Variants in DCC observed in about 807,000 individuals in gnomAD.
DCC encodes netrin receptor DCC.
In DCC, 58 loss-of-function variants were observed where a neutral mutation model predicts 172.5. The observed-to-expected ratio is 0.34, with a 90% CI of 0.27 to 0.42. The LOEUF (loss-of-function observed/expected upper bound fraction) is 0.42, where lower values mean the gene tolerates loss of function less well. DCC is among the 10% of genes least tolerant of loss of function. The pLI, the probability that DCC is intolerant of heterozygous loss-of-function variation, is 1.00. For missense variants in DCC, 1,740 were observed against 1,791.0 expected (o/e 0.97, Z 0.51); for synonymous variants, 709 against 644.5 (o/e 1.10, Z -1.52).
At chr18:52,930,659 T>G (rs1263317198) in intron 5 of DCC, among the ~76,000 whole-genome samples, 1 of 152,182 alleles carries the variant, frequency 6.6e-6, no homozygotes, top group African/African-American at 2.4e-5. Flanking sequence ...TTTCATTTTA[T>G]AGTTTTCTTG....
At chr18:53,029,104 T>C (rs1269519515) in intron 5 of DCC, among the ~76,000 whole-genome samples, 3 of 150,868 alleles carry the variant, frequency 2.0e-5, no homozygotes, top group Non-Finnish European at 2.9e-5. Flanking sequence ...AAACTAAAAA[T>C]TACCCAAATG....
intron 15 of DCC, among the ~76,000 whole-genome samples, chr18:53,352,087 A>T (rs2057819133): frequency 6.6e-6 from 1 of 152,026 alleles, no homozygotes; most frequent in South Asian, 2.1e-4. Context: ...CAGATAGAGC[A>T]CTCTATTGCA....
chr18:52,782,248 A>G (rs2037558698), intron 2 of DCC, among the ~76,000 whole-genome samples: 1 of 152,158 alleles, frequency 6.6e-6, no homozygotes, highest in Non-Finnish European at 1.5e-5. Context: ...TGCATTTTAA[A>G]AGCTTAGAAA....
chr18:52,957,068 A>G (rs1015584379), intron 5 of DCC, among the ~76,000 whole-genome samples: 3 of 152,154 alleles, frequency 2.0e-5, no homozygotes, highest in Non-Finnish European at 2.9e-5. Flanking sequence ...AGGATAGACT[A>G]TTTCCTGAAA....
rs554707483 is a variant in DCC at position 52,731,433 on chromosome 18, G to A, written c.92-20621G>A. Among the ~76,000 whole-genome samples the A allele has an allele frequency of 1.2e-4, 18 of 152,316 alleles. No homozygotes were observed. In the East Asian group the frequency reaches 2.1e-3, roughly 18 times the overall value. ...GTCTTTCAGAGGTGGTGTAGTTAAT[G>A]GTTACAAAACAGATATTCAGTCACA... On this transcript the variant is annotated intron_variant, in intron 1 of 28. Coordinates refer to ENST00000442544, the MANE Select transcript of DCC (RefSeq NM_005215.4).
chr18:52,441,251 C>A (rs1356907313), intron 1 of DCC, among the ~76,000 whole-genome samples: 3 of 152,070 alleles, frequency 2.0e-5, no homozygotes. Flanking sequence ...GATACTGAAT[C>A]AGGAATGAGA....
intron 5 of DCC, among the ~76,000 whole-genome samples, chr18:53,048,369 A>T (rs997169427): frequency 6.6e-6 from 1 of 151,658 alleles, no homozygotes; most frequent in Non-Finnish European, 1.5e-5. Context: ...AAGTGAGAAC[A>T]TGTGGTATTT....
At chr18:53,522,710 C>T (rs1026368930) in intron 27 of DCC, among the ~76,000 whole-genome samples, 3 of 152,128 alleles carry the variant, frequency 2.0e-5, no homozygotes, top group African/African-American at 7.2e-5. Context: ...ACTGGCTAGC[C>T]ATATGCAGAA....
intron 2 of DCC, among the ~76,000 whole-genome samples, chr18:52,808,156 G>A (rs1315458206): frequency 3.3e-5 from 5 of 151,590 alleles, no homozygotes; most frequent in Admixed American, 6.6e-5. Context: ...GTAGAATCAC[G>A]TGCACACATA....
chr18:52,461,957 C>T (rs544433925), intron 1 of DCC, among the ~76,000 whole-genome samples: 1 of 152,170 alleles, frequency 6.6e-6, no homozygotes, highest in African/African-American at 2.4e-5. Context: ...CTCCTGTAAC[C>T]TTCTCTGAGT....
intron 1 of DCC, among the ~76,000 whole-genome samples, chr18:52,594,162 G>A (rs1355947337): frequency 6.6e-6 from 1 of 152,122 alleles, no homozygotes; most frequent in Admixed American, 6.5e-5. Context: ...TAAGGAAAAG[G>A]GCACCCCCCT....
intron 27 of DCC, among the ~76,000 whole-genome samples, chr18:53,513,909 C>T (rs1469960131): frequency 6.6e-6 from 1 of 151,136 alleles, no homozygotes; most frequent in East Asian, 1.9e-4. Flanking sequence ...ATCAACAAGA[C>T]AGAAAGTCAA....
At chr18:52,456,522 T>C (rs1346529104) in intron 1 of DCC, among the ~76,000 whole-genome samples, 1 of 152,216 alleles carries the variant, frequency 6.6e-6, no homozygotes, top group Non-Finnish European at 1.5e-5. Flanking sequence ...CATATTAACA[T>C]GGTTATACAA....
chr18:53,425,956 T>A (rs1407732403), intron 21 of DCC, among the ~76,000 whole-genome samples: 1 of 152,068 alleles, frequency 6.6e-6, no homozygotes, highest in Non-Finnish European at 1.5e-5. Flanking sequence ...CTTCAGTGGA[T>A]CCCTATCCTC....
intron 1 of DCC, among the ~76,000 whole-genome samples, chr18:52,363,481 C>A (rs1447873273): frequency 6.6e-6 from 1 of 152,164 alleles, no homozygotes; most frequent in Non-Finnish European, 1.5e-5. Flanking sequence ...GTCTTGGACA[C>A]AACACCTCTC....
Position 53,480,728 on chromosome 18 carries a change from G to A in DCC, c.3737-6069G>A, listed in dbSNP as rs921915281. The A allele has an allele frequency of 2.6e-5, 4 of 151,906 alleles. No individual in the cohort carries two copies. The South Asian group carries it at 8.3e-4, about 32-fold the overall frequency. 9.4% of individuals were successfully genotyped at this position (151,906 alleles called of 1,614,324 possible). On this transcript the variant is annotated intron_variant, in intron 25 of 28. Coordinates refer to ENST00000442544, the MANE Select transcript of DCC (RefSeq NM_005215.4). ...ATCCTCACAACCACATCATAAAATC[G>A]GTACTCCATTGTGCAGATGAGGAAA...
intron 5 of DCC, among the ~76,000 whole-genome samples, chr18:52,964,350 T>C (rs1037795657): frequency 6.6e-6 from 1 of 152,160 alleles, no homozygotes; most frequent in Non-Finnish European, 1.5e-5. Context: ...AAATTGTCCA[T>C]TATTTGTTAA....
rs2037888550 is a variant in DCC at position 52,797,005 on chromosome 18, CATT to C, written c.412+44632_412+44634del. Among the ~76,000 whole-genome samples, 4 of 142,728 alleles carry C rather than the reference CATT, an allele frequency of 2.8e-5. No homozygotes were observed. The South Asian group carries it at 1.0e-3, about 37-fold the overall frequency. The allele number at this position is 142,728 out of a possible 152,430, so 93.6% of individuals were successfully genotyped here. A position where few individuals can be genotyped will look rare whatever the true frequency, so the allele number is the denominator to read the frequency against. On this transcript the variant is annotated intron_variant, in intron 2 of 28. Coordinates refer to ENST00000442544, the MANE Select transcript of DCC (RefSeq NM_005215.4). ...ACTGGTCACATAGGCTTTCTTCATT[CATT>C]CCTTTTTTTTTTCTTCTGCCTGCAT...
intron 7 of DCC, among the ~76,000 whole-genome samples, chr18:53,109,789 C>G (rs1485541040): frequency 1.3e-5 from 2 of 151,398 alleles, no homozygotes; most frequent in Non-Finnish European, 3.0e-5. Flanking sequence ...TAAATGTTGT[C>G]CTTTTTTTTC....
Sources: allele counts gnomAD v4.1 joint callset (sites outside exome capture counted in the v4.1 genomes callset), GRCh38; gene constraint gnomAD v4.1.1; transcripts MANE v1.5; gene names NCBI Gene and HGNC (gene_info 2026-07-23, HGNC 2026-07-21).